OR1J2: variants seen among roughly 807,000 people sequenced by gnomAD.
OR1J2 encodes the protein olfactory receptor 1J2.
For missense variants in OR1J2, 304 were observed against 246.1 expected (o/e 1.24, Z -1.57); for synonymous variants, 142 against 99.7 (o/e 1.42, Z -2.52).
chr9:122,537,636 A>G, the OR1J2 span, among the ~76,000 whole-genome samples: 4 of 152,124 alleles, frequency 2.6e-5, no homozygotes, highest in Admixed American at 1.3e-4. Flanking sequence ...TGGGCAGTAT[A>G]TTCATTTTAA....
the OR1J2 span, among the ~76,000 whole-genome samples, chr9:122,464,029 C>T: frequency 2.8e-4 from 42 of 152,320 alleles, no homozygotes; most frequent in African/African-American, 9.9e-4. Flanking sequence ...TTGTCTTTGG[C>T]TACCAGGTCA....
the OR1J2 span, among the ~76,000 whole-genome samples, chr9:122,540,428 A>G: frequency 1.3e-5 from 2 of 152,076 alleles, no homozygotes; most frequent in Non-Finnish European, 2.9e-5. Flanking sequence ...ATAGTTGTAG[A>G]TATGCGGCAT....
the OR1J2 span, among the ~76,000 whole-genome samples, chr9:122,557,012 T>A: frequency 6.6e-6 from 1 of 152,190 alleles, no homozygotes; most frequent in Admixed American, 6.5e-5. Flanking sequence ...AATGGTGTTG[T>A]GTTTTTAATT....
chr9:122,494,369 T>A, the OR1J2 span, among the ~76,000 whole-genome samples: 1 of 152,216 alleles, frequency 6.6e-6, no homozygotes, highest in Non-Finnish European at 1.5e-5. Flanking sequence ...GCTCCAGCGT[T>A]AGGTACATAT....
chr9:122,542,134 C>T, the OR1J2 span, among the ~76,000 whole-genome samples: 4 of 152,164 alleles, frequency 2.6e-5, no homozygotes, highest in African/African-American at 9.7e-5. Context: ...ATCTGTCAGA[C>T]TCAATCATGT....
At chr9:122,548,570 G>C in the OR1J2 span, among the ~76,000 whole-genome samples, 30,087 of 150,490 alleles carry the variant, frequency 0.2, 3,440 homozygotes, top group Middle Eastern at 0.29. Flanking sequence ...CATATCTTTT[G>C]TCCAATTTTT....
downstream of OR1J2, among the ~76,000 whole-genome samples, chr9:122,515,891 TCTA>T (rs1174953302): frequency 6.6e-6 from 1 of 151,954 alleles, no homozygotes; most frequent in African/African-American, 2.4e-5. Context: ...CCAGGCAACA[TCTA>T]CTACCCCAGT....
In OR1J2 at chr9:122,511,040, A is replaced by T. The variant is rs1828623700; in HGVS notation, c.239A>T (p.Lys80Met). 2 of 1,526,422 alleles carry T rather than the reference A, an allele frequency of 1.3e-6. No homozygotes were observed. Among genetic ancestry groups the T allele is most frequent in the African/African-American group, 2.7e-5 (2 of 73,150 alleles). The allele number at this position is 1,526,422 out of a possible 1,614,324, so 94.6% of individuals were successfully genotyped here. The stretch of plus-strand genomic sequence containing the variant: ...TCCTTTTCATCTGTCACTGTCCCTA[A>T]GATGCTGATGGACATGCGGACTAAG... ...DISFSSVTVP[K>M]MLMDMRTKYK... The change falls in exon 1 of 1, where the codon AAG (lysine) becomes ATG (methionine). Residue 80 changes from lysine (K) to methionine (M), a missense_variant. Transcript: ENST00000335302.
chr9:122,452,523 T>C, the OR1J2 span, among the ~76,000 whole-genome samples: 1 of 152,190 alleles, frequency 6.6e-6, no homozygotes, highest in Non-Finnish European at 1.5e-5. Flanking sequence ...CCTTCCCTGG[T>C]GAGCATATGG....
chr9:122,470,225 G>T, the OR1J2 span, among the ~76,000 whole-genome samples: 1 of 152,194 alleles, frequency 6.6e-6, no homozygotes, highest in African/African-American at 2.4e-5. Context: ...AGGGCCCAGG[G>T]TCCCCATGCT....
At chr9:122,465,987 A>G in the OR1J2 span, among the ~76,000 whole-genome samples, 1 of 152,216 alleles carries the variant, frequency 6.6e-6, no homozygotes, top group African/African-American at 2.4e-5. Flanking sequence ...ATTGCCGCAG[A>G]ATTCCCAAAG....
chr9:122,536,015 T>G, the OR1J2 span, among the ~76,000 whole-genome samples: 1 of 152,068 alleles, frequency 6.6e-6, no homozygotes, highest in Non-Finnish European at 1.5e-5. Flanking sequence ...ATGTCATCAG[T>G]GAAGGCAGGA....
chr9:122,476,792 G>A, the OR1J2 span, among the ~76,000 whole-genome samples: 13 of 151,978 alleles, frequency 8.6e-5, no homozygotes, highest in East Asian at 3.9e-4. Flanking sequence ...TGCAACCTCC[G>A]CCTCCTGGGT....
chr9:122,521,296 G>C, the OR1J2 span, among the ~76,000 whole-genome samples: 1 of 152,178 alleles, frequency 6.6e-6, no homozygotes, highest in Non-Finnish European at 1.5e-5. Flanking sequence ...TGGGCAGCTT[G>C]TCATGTTGGT....
the OR1J2 span, among the ~76,000 whole-genome samples, chr9:122,459,415 A>G: frequency 1.8e-3 from 274 of 152,338 alleles, no homozygotes; most frequent in Non-Finnish European, 3.1e-3. Context: ...TAGAATTGCA[A>G]TAATTCCGAT....
chr9:122,556,864 G>C, the OR1J2 span, among the ~76,000 whole-genome samples: 6 of 152,060 alleles, frequency 3.9e-5, no homozygotes, highest in Non-Finnish European at 8.8e-5. Context: ...TGATAACATT[G>C]AGTTTTCCTA....
At chr9:122,507,977 G>A (rs777688861), upstream of OR1J2, among the ~76,000 whole-genome samples, 22 of 152,094 alleles carry the variant, frequency 1.4e-4, no homozygotes, top group Non-Finnish European at 2.9e-4. Context: ...AGAGTTAAGA[G>A]ACCTGCTATG....
chr9:122,497,621 G>A, the OR1J2 span, among the ~76,000 whole-genome samples: 2 of 151,702 alleles, frequency 1.3e-5, no homozygotes, highest in African/African-American at 4.8e-5. Context: ...ACCAACTTTT[G>A]GTTTCATTTA....
At chr9:122,574,764 T>A in the OR1J2 span, among the ~76,000 whole-genome samples, 1 of 152,122 alleles carries the variant, frequency 6.6e-6, no homozygotes, top group Non-Finnish European at 1.5e-5. Flanking sequence ...CTTATCTTGT[T>A]CCTGAATGTA....
Sources: allele counts gnomAD v4.1 joint callset (sites outside exome capture counted in the v4.1 genomes callset), GRCh38; gene constraint gnomAD v4.1.1; transcripts MANE v1.5; gene names NCBI Gene and HGNC (gene_info 2026-07-23, HGNC 2026-07-21).